Variants in SYCP2 observed in about 807,000 individuals in gnomAD.
The protein encoded by SYCP2 is synaptonemal complex lateral element protein.
A neutral mutation model predicts 211.3 loss-of-function variants in SYCP2; 55 were observed. The ratio of observed to expected loss-of-function variants is 0.26; its 90% CI spans 0.21 to 0.33. The LOEUF (loss-of-function observed/expected upper bound fraction) is 0.33. Among genes scored for constraint, SYCP2 ranks in the 10% least tolerant of loss-of-function variants. The probability of loss-of-function intolerance (pLI) is 1.00; values close to 1 mark genes in which losing one functional copy is unlikely to be tolerated. For missense variants in SYCP2, 1,731 were observed against 1,752.0 expected, an observed-to-expected ratio of 0.99 and a Z score of 0.21; for synonymous variants, 570 against 555.2, an observed-to-expected ratio of 1.03 and a Z score of -0.37.
chr20:59,895,101 A>G (rs2059981648), intron 20 of SYCP2, among the ~76,000 whole-genome samples: 1 of 152,130 alleles, frequency 6.6e-6, no homozygotes, highest in Non-Finnish European at 1.5e-5. Context: ...ACTTAAGGAC[A>G]CAGTCCACTT....
chr20:59,903,422 A>G (rs758337660), intron 15 of SYCP2, among the ~76,000 whole-genome samples: 25 of 152,154 alleles, frequency 1.6e-4, no homozygotes, highest in Non-Finnish European at 3.4e-4. Context: ...TCAGGAAGAC[A>G]TAGGATAAAA....
rs201290093 is a variant in SYCP2, at chr20:59,917,132, A to AT, written c.428-562dup. Among the ~76,000 whole-genome samples, 605 of 147,714 alleles carry AT rather than the reference A, an allele frequency of 4.1e-3. 6 individuals are homozygous for AT. The highest frequency in any genetic ancestry group is 0.024 in the Middle Eastern group (7 of 286). ...ACTGCAGGCACATAAGGAGGTATTT[A>AT]TTTTTTTTTTTAGATTAAGTAAATA... On this transcript the variant is annotated intron_variant, in intron 7 of 44. Transcript: ENST00000357552.
In SYCP2 at chr20:59,890,391, C is replaced by T. The variant is rs562668276; in HGVS notation, c.2364+1599G>A. 3.3e-4 allele frequency among the ~76,000 whole-genome samples: 50 copies of T among 151,976 alleles called. No homozygotes were observed. The East Asian group carries it at 5.4e-3, about 16-fold the overall frequency. On this transcript the variant is annotated intron_variant, in intron 24 of 44. Coordinates refer to ENST00000357552, the MANE Select transcript of SYCP2 (RefSeq NM_014258.4). ...GGGAGGTGAACATCACACACTGGGG[C>T]CTGTTGGGGGGTGGAGGCCTAGGGG...
intron 4 of SYCP2, among the ~76,000 whole-genome samples, 173 bp from the exon 5 acceptor site, chr20:59,920,660 C>T (rs2060524496): frequency 6.6e-6 from 1 of 151,440 alleles, no homozygotes; most frequent in Admixed American, 6.6e-5. Context: ...GTGACCTGCC[C>T]AAAGCCATAC....
At position 59,880,285 on chromosome 20, in the gene SYCP2, CA is replaced by C. The variant is rs779154621; in HGVS notation, c.2941+17del. The C allele has an allele frequency of 2.6e-5, 40 of 1,546,492 alleles. No homozygotes were observed. The Admixed American group carries it at 7.6e-4, about 29-fold the overall frequency. On this transcript the variant is annotated intron_variant, in intron 31 of 44. Transcript: ENST00000357552. ...TGCAAAATCATTTGCAACATTTATC[CA>C]AAAGATAATTTCTTACTTGATTTTC...
At chr20:59,893,398 AAGTC>A in intron 21 of SYCP2, 122 bp downstream of exon 21, 1 of 806,344 alleles carries the variant, frequency 1.2e-6, no homozygotes, top group Non-Finnish European at 2.0e-6. Flanking sequence ...TCCTTGCACA[AAGTC>A]AAACAAATTC....
chr20:59,868,961 T>C, intron 36 of SYCP2, 36 bp from the exon 37 acceptor site: 1 of 1,468,554 alleles, frequency 6.8e-7, no homozygotes, highest in Non-Finnish European at 9.4e-7. Flanking sequence ...AAAAATTCCG[T>C]AAATATATTT....
chr20:59,885,350 A>G (rs1313278600), intron 26 of SYCP2, among the ~76,000 whole-genome samples: 4 of 152,116 alleles, frequency 2.6e-5, no homozygotes, highest in African/African-American at 9.7e-5. Flanking sequence ...GGCAAAGAAA[A>G]TTGTTAACAC....
At chr20:59,872,214 A>G (rs1202070443) in intron 35 of SYCP2, among the ~76,000 whole-genome samples, 2 of 152,016 alleles carry the variant, frequency 1.3e-5, no homozygotes, top group Non-Finnish European at 2.9e-5. Flanking sequence ...AAAATATTAA[A>G]TGGAACATTC....
Position 59,933,554 on chromosome 20 carries a change from C to G in SYCP2, c.-140+15G>C, listed in dbSNP as rs2060816163. The G allele has an allele frequency of 6.6e-6, 1 of 152,188 alleles. No homozygotes were observed. The highest frequency in any genetic ancestry group is 6.5e-5 in the Admixed American group (1 of 15,284). 9.4% of individuals were successfully genotyped at this position (152,188 alleles called of 1,614,324 possible). A position where few individuals can be genotyped will look rare whatever the true frequency, so the allele number is the denominator to read the frequency against. On this transcript the variant is annotated intron_variant, in intron 1 of 44. Coordinates refer to ENST00000357552, the MANE Select transcript of SYCP2 (RefSeq NM_014258.4). ...GCCGTGGGGGAAGCCCACCCAGGCA[C>G]TCTGCTCAACCTGCCTGCGGCAGGA...
At position 59,901,654 on chromosome 20, in the gene SYCP2, A is replaced by C; in HGVS notation, c.1182+8T>G. On this transcript the variant is annotated splice_region_variant and intron_variant, in intron 16 of 44. Coordinates refer to ENST00000357552, the MANE Select transcript of SYCP2 (RefSeq NM_014258.4). ...AATAGTAAATATTTATTAAGTTTAA[A>C]GACTTACCCTATGTTTAGTTGCACC... The C allele has an allele frequency of 6.9e-7, 1 of 1,456,694 alleles. No homozygotes were observed. The allele number at this position is 1,456,694 out of a possible 1,614,324, so 90.2% of individuals were successfully genotyped here.
intron 2 of SYCP2, among the ~76,000 whole-genome samples, chr20:59,927,250 T>C (rs2060650135): frequency 6.6e-6 from 1 of 152,142 alleles, no homozygotes; most frequent in Non-Finnish European, 1.5e-5. Flanking sequence ...CTTTAACTTG[T>C]AAAGGGTTTT....
Position 59,881,441 on chromosome 20 carries a change from TA to T in SYCP2, c.2709del (p.Arg904AspfsTer3). ...TAKEACADRS[I>X]RLVGPRNHDE... is the part of the protein sequence containing the mutation. ...TAATCTAATAAAAATACCTACAATC[TA>T]ATTGACCTATCCGCACAAGCTTCTT... On this transcript the variant is annotated frameshift_variant, in exon 29 of 45. Coordinates refer to ENST00000357552, the MANE Select transcript of SYCP2 (RefSeq NM_014258.4). LOFTEE classifies it high-confidence loss of function. 1 of 1,501,440 alleles carries T rather than the reference TA, an allele frequency of 6.7e-7. No homozygotes were observed. Among genetic ancestry groups the T allele is most frequent in the Non-Finnish European group, 9.1e-7 (1 of 1,102,094 alleles). 93.0% of individuals were successfully genotyped at this position (1,501,440 alleles called of 1,614,324 possible).
intron 22 of SYCP2, 32 bp from the exon 23 acceptor site, chr20:59,892,733 A>C: frequency 1.3e-6 from 2 of 1,586,902 alleles, no homozygotes; most frequent in Admixed American, 1.8e-5. Context: ...TTAATGTTAC[A>C]AAACATTAGC....
chr20:59,927,892 CCT>C (rs2060663190), intron 2 of SYCP2, among the ~76,000 whole-genome samples: 1 of 152,106 alleles, frequency 6.6e-6, no homozygotes, highest in Non-Finnish European at 1.5e-5. Flanking sequence ...AAGCTCTGCC[CCT>C]GTGAGAAAGT....
At chr20:59,926,879 T>G (rs1314076259) in intron 2 of SYCP2, among the ~76,000 whole-genome samples, 1 of 152,178 alleles carries the variant, frequency 6.6e-6, no homozygotes, top group Non-Finnish European at 1.5e-5. Context: ...ATAGAAATTT[T>G]CCTCAAATGT....
At chr20:59,887,185 T>C (rs1362045435) in intron 24 of SYCP2, among the ~76,000 whole-genome samples, 2 of 151,898 alleles carry the variant, frequency 1.3e-5, no homozygotes, top group South Asian at 2.1e-4. Context: ...CAGTGTGTGA[T>C]GTTCCCCTTC....
intron 31 of SYCP2, among the ~76,000 whole-genome samples, chr20:59,879,822 AATATAT>A (rs1159547809): frequency 0.17 from 8,621 of 50,432 alleles, 415 homozygotes; most frequent in Non-Finnish European, 0.19. Flanking sequence ...AATATAAATA[AATATAT>A]ATATATATAT....
At chr20:59,867,445 A>AC (rs2059371754) in intron 39 of SYCP2, among the ~76,000 whole-genome samples, 1 of 150,232 alleles carries the variant, frequency 6.7e-6, no homozygotes, top group African/African-American at 2.5e-5. Context: ...TGGCATGAAA[A>AC]CTGTCCAGTA....
Sources: allele counts gnomAD v4.1 joint callset (sites outside exome capture counted in the v4.1 genomes callset), GRCh38; gene constraint gnomAD v4.1.1; transcripts MANE v1.5; gene names NCBI Gene and HGNC (gene_info 2026-07-23, HGNC 2026-07-21).